Variants in CNBD1 observed in about 807,000 individuals in gnomAD.
The protein encoded by CNBD1 is cyclic nucleotide-binding domain-containing protein 1.
In CNBD1, 71 loss-of-function variants were observed where a neutral mutation model predicts 54.4. That is an observed-to-expected ratio of 1.30 (90% CI 1.08 to 1.59). The LOEUF (loss-of-function observed/expected upper bound fraction) is 1.59, where lower values mean the gene tolerates loss of function less well. Ranked by LOEUF, CNBD1 falls within the 40% of genes most tolerant of loss-of-function variation. CNBD1 has a pLI of 0.00. For missense variants in CNBD1, 659 were observed against 518.0 expected (o/e 1.27, Z -2.64); for synonymous variants, 182 against 170.7 (o/e 1.07, Z -0.51).
chr8:87,266,292 C>T (rs575202264), intron 6 of CNBD1, among the ~76,000 whole-genome samples: 17 of 151,372 alleles, frequency 1.1e-4, no homozygotes, highest in African/African-American at 3.9e-4. Flanking sequence ...AAAGAAGATA[C>T]TTGGGAAAGA....
chr8:87,163,865 A>G lies in CNBD1; in HGVS notation c.432-42128A>G, dbSNP rs1812907697. Among the ~76,000 whole-genome samples, 1 of 151,760 alleles carries G rather than the reference A, an allele frequency of 6.6e-6. No individual in the cohort carries two copies. The highest frequency in any genetic ancestry group is 1.5e-5 in the Non-Finnish European group (1 of 67,838). On this transcript the variant is annotated intron_variant, in intron 4 of 10. Coordinates refer to ENST00000518476, the MANE Select transcript of CNBD1 (RefSeq NM_173538.3). This position sits in a 1 kb window ranked among gnomAD's most constrained non-coding sequence, Gnocchi z 4.5. Reference sequence around the variant, plus strand: ...GTTGAAGACAGGTGAGCATCCTTGTATTGTTTTTGATCTTAGAGAAAAAGT... The same window carrying G: ...GTTGAAGACAGGTGAGCATCCTTGTGTTGTTTTTGATCTTAGAGAAAAAGT...
chr8:87,033,184 G>A (rs1279349084), intron 4 of CNBD1, among the ~76,000 whole-genome samples: 2 of 152,112 alleles, frequency 1.3e-5, no homozygotes, highest in Non-Finnish European at 2.9e-5. Context: ...TTATATCAGG[G>A]TTTTCTTCCA....
chr8:86,991,864 T>C (rs1808757112), intron 4 of CNBD1, among the ~76,000 whole-genome samples: 1 of 152,188 alleles, frequency 6.6e-6, no homozygotes, highest in Non-Finnish European at 1.5e-5. Context: ...TATTGCACTG[T>C]TGTAAAGAGT....
At chr8:87,315,453 TG>T (rs749211035) in intron 8 of CNBD1, among the ~76,000 whole-genome samples, 2 of 152,138 alleles carry the variant, frequency 1.3e-5, no homozygotes, top group East Asian at 3.9e-4. Flanking sequence ...ACTTGGCTTC[TG>T]GTGAGGACCT....
chr8:87,389,715 T>A (rs1811268627), intron 2 of CNBD1, among the ~76,000 whole-genome samples: 2 of 152,138 alleles, frequency 1.3e-5, no homozygotes, highest in South Asian at 4.1e-4. Context: ...CCCATCAAGA[T>A]ACCAATGACT....
At chr8:87,003,164 T>G (rs1405253659) in intron 4 of CNBD1, among the ~76,000 whole-genome samples, 1 of 152,208 alleles carries the variant, frequency 6.6e-6, no homozygotes, top group Admixed American at 6.5e-5. Flanking sequence ...ATTAAAAATC[T>G]CATTGGTTAA....
chr8:87,095,027 G>A (rs796496504), intron 4 of CNBD1, among the ~76,000 whole-genome samples: 12 of 152,298 alleles, frequency 7.9e-5, no homozygotes, highest in African/African-American at 2.6e-4. Flanking sequence ...CAACAAGAGC[G>A]AAGCTCCTTC....
intron 4 of CNBD1, among the ~76,000 whole-genome samples, chr8:86,941,358 G>A (rs76011664): frequency 0.074 from 11,291 of 152,162 alleles, 509 homozygotes; most frequent in African/African-American, 0.13. Context: ...CACTGAAAGT[G>A]ATCTAAGGCA....
chr8:87,291,559 T>TA lies in CNBD1; in HGVS notation c.1042+4897dup, dbSNP rs961059544. Among the ~76,000 whole-genome samples the TA allele has an allele frequency of 3.4e-4, 51 of 151,278 alleles. 1 individual carries two copies. The highest frequency in any genetic ancestry group is 1.9e-3 in the South Asian group (9 of 4,790). ...AGAATCACCCTTAGTTGTAGTGTTATAAAAAAAAATGGGCCTTGGGTCAGA... is the reference window on the plus strand; with the variant it reads ...AGAATCACCCTTAGTTGTAGTGTTATAAAAAAAAAATGGGCCTTGGGTCAGA... On this transcript the variant is annotated intron_variant, in intron 8 of 10. Transcript: ENST00000518476.
In CNBD1 at chr8:87,361,630, A is replaced by G. The variant is rs1166038966; in HGVS notation, c.1303+7844A>G. Among the ~76,000 whole-genome samples the G allele has an allele frequency of 3.3e-5, 5 of 151,358 alleles. No homozygotes were observed. In the East Asian group the frequency reaches 5.8e-4, roughly 18 times the overall value. On this transcript the variant is annotated intron_variant, in intron 10 of 10. Transcript: ENST00000518476. ...AATTTACTCAAAGTATAGATTTTGC[A>G]TATACTTTGCCCCAGCAATTCCAGT...
At chr8:87,200,278 A>C (rs1813829922) in intron 4 of CNBD1, among the ~76,000 whole-genome samples, 1 of 152,206 alleles carries the variant, frequency 6.6e-6, no homozygotes, top group East Asian at 1.9e-4. Flanking sequence ...TAGTAGAAAC[A>C]CAAAAAGCTC....
intron 6 of CNBD1, among the ~76,000 whole-genome samples, chr8:87,280,894 A>G (rs1808587176): frequency 6.6e-6 from 1 of 151,564 alleles, no homozygotes; most frequent in Non-Finnish European, 1.5e-5. Flanking sequence ...TACAAGTATG[A>G]GAAACTGTTC....
chr8:87,306,424 T>G (rs2130886923), intron 8 of CNBD1, among the ~76,000 whole-genome samples: 1 of 152,292 alleles, frequency 6.6e-6, no homozygotes, highest in Non-Finnish European at 1.5e-5. Context: ...AATAAGTTAT[T>G]ATTCGAAAAA....
intron 10 of CNBD1, among the ~76,000 whole-genome samples, chr8:87,379,017 T>A (rs1264709513): frequency 6.7e-6 from 1 of 150,204 alleles, no homozygotes; most frequent in Admixed American, 6.7e-5. Flanking sequence ...AAACTGAGAC[T>A]TTGCTGAAGT....
At chr8:87,394,746 GT>G (rs1811378222) in intron 2 of CNBD1, among the ~76,000 whole-genome samples, 2 of 151,856 alleles carry the variant, frequency 1.3e-5, no homozygotes, top group South Asian at 4.1e-4. Context: ...TTAACAAATT[GT>G]TTTAAGTTTA....
In CNBD1 at chr8:87,421,825, T is replaced by C. The variant is rs1463201491; in HGVS notation, c.214-6721T>C. On this transcript the variant is annotated intron_variant, in intron 2 of 7. Coordinates refer to the CNBD1 transcript ENST00000521593. ...TGGCTGGGTCAAATGGTATTTCTAG[T>C]TCTAGATCCCTGAGGAATCGCCACA... Among the ~76,000 whole-genome samples, 796 of 142,414 alleles carry C rather than the reference T, an allele frequency of 5.6e-3. 7 individuals carry two copies. The highest frequency in any genetic ancestry group is 0.02 in the African/African-American group (742 of 37,132). The allele number at this position is 142,414 out of a possible 152,430, so 93.4% of individuals were successfully genotyped here. A position where few individuals can be genotyped will look rare whatever the true frequency, so the allele number is the denominator to read the frequency against.
intron 4 of CNBD1, among the ~76,000 whole-genome samples, chr8:87,174,527 A>G (rs1193705909): frequency 6.6e-6 from 1 of 151,986 alleles, no homozygotes; most frequent in African/African-American, 2.4e-5. Context: ...AGCTATTTTG[A>G]ATTCTTTGTC....
chr8:86,977,056 T>C (rs1414317483), intron 4 of CNBD1, among the ~76,000 whole-genome samples: 1 of 152,080 alleles, frequency 6.6e-6, no homozygotes, highest in Non-Finnish European at 1.5e-5. Flanking sequence ...TTTCCATTAC[T>C]ATGCTGAACA....
chr8:86,946,324 C>A (rs777904732), intron 4 of CNBD1, among the ~76,000 whole-genome samples: 1 of 151,868 alleles, frequency 6.6e-6, no homozygotes, highest in African/African-American at 2.4e-5. Context: ...CAAAGTTGCC[C>A]GGAAAATTTT....
Sources: allele counts gnomAD v4.1 joint callset (sites outside exome capture counted in the v4.1 genomes callset), GRCh38; gene constraint gnomAD v4.1.1; non-coding constraint Gnocchi (gnomAD v3.1); transcripts MANE v1.5; gene names NCBI Gene and HGNC (gene_info 2026-07-23, HGNC 2026-07-21).